Variants in NFKB1 observed in about 807,000 individuals in gnomAD.
NFKB1 encodes the protein nuclear factor NF-kappa-B p105 subunit.
NFKB1 carries 9 observed loss-of-function variants against 105.1 expected under a neutral mutation model. The observed-to-expected ratio is 0.09, with a 90% CI of 0.05 to 0.15. NFKB1 has a LOEUF of 0.15. Ranked by LOEUF, NFKB1 falls within the 10% of genes least tolerant of loss-of-function variation. The pLI is 1.00. For missense variants in NFKB1, 830 were observed against 1,203.7 expected (o/e 0.69, Z 4.59); for synonymous variants, 440 against 442.2 (o/e 1.00, Z 0.06).
intron 23 of NFKB1, among the ~76,000 whole-genome samples, chr4:102,615,520 G>A (rs4648137): frequency 0.012 from 1,842 of 152,238 alleles, 41 homozygotes; most frequent in African/African-American, 0.041. Flanking sequence ...TGTATCCGCC[G>A]GAAAACAACC....
At chr4:102,579,442 T>C (rs1725138930) in intron 8 of NFKB1, among the ~76,000 whole-genome samples, 1 of 151,966 alleles carries the variant, frequency 6.6e-6, no homozygotes, top group Non-Finnish European at 1.5e-5. Context: ...CCATTTTCTT[T>C]CCCATATGTT....
chr4:102,612,074 G>A lies in NFKB1; in HGVS notation c.2383G>A (p.Glu795Lys). The A allele has an allele frequency of 1.2e-6, 2 of 1,614,098 alleles. No individual in the cohort carries two copies. Among genetic ancestry groups the A allele is most frequent in the East Asian group, 2.2e-5 (1 of 44,878 alleles). Residue 795 changes from glutamate (E) to lysine (K), a missense_variant, in exon 21 of 24, where the codon GAG (glutamate) becomes AAG (lysine). Coordinates refer to ENST00000226574, the MANE Select transcript of NFKB1 (RefSeq NM_003998.4). ...TGACATATTAAATGGGAAACCATAT[G>A]AGCCAGAGTTTACATCTGATGATTT... ...VFDILNGKPY[E>K]PEFTSDDLLA... is the part of the protein sequence containing the mutation.
chr4:102,561,269 T>TGTG (rs1259335113), intron 5 of NFKB1, among the ~76,000 whole-genome samples: 10 of 103,536 alleles, frequency 9.7e-5, no homozygotes, highest in African/African-American at 4.1e-4. Context: ...TCTTTCCTTT[T>TGTG]TTTTTTTTTT....
At chr4:102,582,845 C>T (rs750791311) in intron 9 of NFKB1, 21 bp from the exon 10 acceptor site, 3 of 1,531,412 alleles carry the variant, frequency 2.0e-6, no homozygotes, top group Admixed American at 1.7e-5. Flanking sequence ...AAATTACACA[C>T]TTCAATGTGA....
At chr4:102,536,391 C>T in intron 4 of NFKB1, among the ~76,000 whole-genome samples, 1 of 152,048 alleles carries the variant, frequency 6.6e-6, no homozygotes, top group South Asian at 2.1e-4. Flanking sequence ...CATTTGTGTG[C>T]ATTAAGGAAA....
At chr4:102,584,661 G>A in intron 10 of NFKB1, 21 bp from the exon 11 acceptor site, 1 of 1,570,570 alleles carries the variant, frequency 6.4e-7, no homozygotes, top group Non-Finnish European at 8.6e-7. Context: ...ACACCAACAT[G>A]TGGTTCTTCG....
At chr4:102,504,544 T>A (rs1010756373) in intron 1 of NFKB1, among the ~76,000 whole-genome samples, 1 of 152,198 alleles carries the variant, frequency 6.6e-6, no homozygotes, top group Non-Finnish European at 1.5e-5. Flanking sequence ...CTAGAGGATA[T>A]GTTAAGATGT....
chr4:102,571,091 A>T (rs946318201), intron 6 of NFKB1, among the ~76,000 whole-genome samples: 8 of 152,366 alleles, frequency 5.3e-5, no homozygotes, highest in Admixed American at 2.0e-4. Context: ...CTATACTACA[A>T]GGCTACAGTA....
chr4:102,571,226 A>G (rs230502), intron 6 of NFKB1, among the ~76,000 whole-genome samples: 56,795 of 152,120 alleles, frequency 0.37, 11,676 homozygotes, highest in South Asian at 0.48. Context: ...AAAAACAAGA[A>G]ATGGGGAAAG....
At chr4:102,566,018 G>C (rs1474971303) in intron 5 of NFKB1, among the ~76,000 whole-genome samples, 1 of 152,142 alleles carries the variant, frequency 6.6e-6, no homozygotes, top group Non-Finnish European at 1.5e-5. Flanking sequence ...ATTTATCACA[G>C]GGCTCTGACT....
intron 16 of NFKB1, among the ~76,000 whole-genome samples, chr4:102,603,878 A>AT (rs1393273529): frequency 4.6e-5 from 7 of 152,134 alleles, no homozygotes; most frequent in African/African-American, 9.7e-5. Context: ...CCGAGTTAGG[A>AT]TTTTTTATGA....
chr4:102,597,754 T>A, intron 15 of NFKB1, 93 bp downstream of exon 15: 3 of 1,396,216 alleles, frequency 2.1e-6, no homozygotes, highest in Non-Finnish European at 2.9e-6. Flanking sequence ...AAATAATTGT[T>A]CAAATATATT....
At chr4:102,600,804 A>G in intron 15 of NFKB1, 91 bp from the exon 16 acceptor site, 2 of 800,348 alleles carry the variant, frequency 2.5e-6, no homozygotes, top group Non-Finnish European at 4.4e-6. Context: ...GTATGAGAGC[A>G]GATTCCATTC....
At chr4:102,601,109 AG>A in intron 16 of NFKB1, 100 bp downstream of exon 16, 1 of 724,718 alleles carries the variant, frequency 1.4e-6, no homozygotes, top group Non-Finnish European at 2.3e-6. Flanking sequence ...TGTTAACAGT[AG>A]CAAAAACAAA....
chr4:102,541,652 C>T lies in NFKB1; in HGVS notation c.258+3696C>T, dbSNP rs3774944. ...GATGCTTTCAGGTAGGCAGAGGCCTCGTGGAGGGTGGCCCCACACTCACCC... is the reference window on the plus strand; with the variant it reads ...GATGCTTTCAGGTAGGCAGAGGCCTTGTGGAGGGTGGCCCCACACTCACCC... On this transcript the variant is annotated intron_variant, in intron 5 of 23. Coordinates refer to ENST00000226574, the MANE Select transcript of NFKB1 (RefSeq NM_003998.4). 6.2e-4 allele frequency among the ~76,000 whole-genome samples: 95 copies of T among 152,204 alleles called. 1 individual carries two copies. The East Asian group carries it at 0.016, about 26-fold the overall frequency.
chr4:102,530,994 A>G (rs532998587), intron 3 of NFKB1, among the ~76,000 whole-genome samples: 25 of 152,236 alleles, frequency 1.6e-4, no homozygotes, highest in African/African-American at 6.0e-4. Flanking sequence ...CTTCCTGTGA[A>G]CAAGTAAATG....
intron 23 of NFKB1, among the ~76,000 whole-genome samples, 156 bp from the exon 24 acceptor site, chr4:102,616,278 C>T (rs544257977): frequency 6.8e-4 from 104 of 152,350 alleles, no homozygotes; most frequent in Non-Finnish European, 1.3e-3. Context: ...GTATCTTCTG[C>T]CCTTCCCACC....
Position 102,616,558 on chromosome 4 carries a change from T to C in NFKB1, c.2874T>C (p.Asp958=), listed in dbSNP as rs762362361. Residue 958 remains aspartate, a synonymous_variant, in exon 24 of 24, where the codon GAT becomes GAC. Transcript: ENST00000226574. The stretch of plus-strand genomic sequence containing the variant: ...TAACTCTCAACAAAATGCCCCATGA[T>C]TATGGGCAGGAAGGACCTCTAGAAG... ...SLLTLNKMPH[D]YGQEGPLEGK... The C allele has an allele frequency of 1.9e-6, 3 of 1,614,028 alleles. No homozygotes were observed. Among genetic ancestry groups the C allele is most frequent in the Non-Finnish European group, 2.5e-6 (3 of 1,179,998 alleles).
At chr4:102,542,526 TC>T (rs1742070443) in intron 5 of NFKB1, among the ~76,000 whole-genome samples, 1 of 152,124 alleles carries the variant, frequency 6.6e-6, no homozygotes, top group African/African-American at 2.4e-5. Flanking sequence ...GTCCTCTCTC[TC>T]TCTCAAATAA....
Sources: gnomAD v4.1 joint callset for allele counts (sites outside exome capture counted in the v4.1 genomes callset) on GRCh38, gnomAD v4.1.1 for gene constraint, MANE v1.5 for transcripts, NCBI Gene and HGNC (gene_info 2026-07-23, HGNC 2026-07-21) for gene names.